The following MLLT10 variants were observed in gnomAD, a reference collection of about 807,000 sequenced individuals.
MLLT10 encodes the protein MLLT10 histone lysine methyltransferase DOT1L cofactor.
In MLLT10, 30 loss-of-function variants were observed where a neutral mutation model predicts 129.1. The ratio of observed to expected loss-of-function variants is 0.23; its 90% CI spans 0.17 to 0.32. The LOEUF is 0.32. MLLT10 is among the 10% of genes least tolerant of loss of function. The probability of loss-of-function intolerance (pLI) is 1.00; values close to 1 mark genes in which losing one functional copy is unlikely to be tolerated. For synonymous variants in MLLT10, 490 were observed against 446.4 expected (o/e 1.10, Z -1.23); for missense variants, 1,119 against 1,268.3 (o/e 0.88, Z 1.79).
chr10:21,679,850 G>A (rs944128736), intron 11 of MLLT10, among the ~76,000 whole-genome samples: 18 of 152,122 alleles, frequency 1.2e-4, no homozygotes, highest in Admixed American at 2.6e-4. Flanking sequence ...AGTCATGGGC[G>A]CACTCAAAAA....
chr10:21,543,477 A>ATATAT (rs903728223), intron 3 of MLLT10, among the ~76,000 whole-genome samples: 1 of 151,588 alleles, frequency 6.6e-6, no homozygotes. Context: ...ATTTAAAAAT[A>ATATAT]TATATTATGT....
intron 6 of MLLT10, among the ~76,000 whole-genome samples, chr10:21,614,108 T>C (rs2044975017): frequency 6.6e-6 from 1 of 150,718 alleles, no homozygotes; most frequent in African/African-American, 2.4e-5. Context: ...GTCCCAGCTA[T>C]TTGGGAGGCT....
At chr10:21,616,862 T>C (rs1409621530) in intron 7 of MLLT10, among the ~76,000 whole-genome samples, 2 of 151,988 alleles carry the variant, frequency 1.3e-5, no homozygotes, top group Non-Finnish European at 2.9e-5. Flanking sequence ...TATTTGAAAA[T>C]AGATGATCTG....
chr10:21,699,224 G>T lies in MLLT10; in HGVS notation c.1700-14548G>T, dbSNP rs796447444. On this transcript the variant is annotated intron_variant, in intron 13 of 22. Transcript: ENST00000307729. ...ATCTATTCATGTCCTTTGCCCACTT[G>T]TTAATGGTATCTTTTTTTTTTTTTT... Among the ~76,000 whole-genome samples the T allele has an allele frequency of 5.0e-3, 741 of 149,200 alleles. 9 individuals are homozygous for T. Among genetic ancestry groups the T allele is most frequent in the African/African-American group, 0.017 (705 of 40,520 alleles).
At chr10:21,583,742 A>G (rs2041701411) in intron 3 of MLLT10, among the ~76,000 whole-genome samples, 1 of 152,154 alleles carries the variant, frequency 6.6e-6, no homozygotes, top group Admixed American at 6.5e-5. Flanking sequence ...CAGGGAAAAC[A>G]CCAAGACATT....
intron 19 of MLLT10, 27 bp from the exon 20 acceptor site, chr10:21,733,741 C>G (rs1384366880): frequency 1.3e-6 from 2 of 1,580,644 alleles, no homozygotes; most frequent in Non-Finnish European, 8.6e-7. Context: ...GTCCAGTGGA[C>G]TTAGTTTCTC....
At chr10:21,611,372 T>C (rs2044639101) in intron 5 of MLLT10, among the ~76,000 whole-genome samples, 1 of 151,968 alleles carries the variant, frequency 6.6e-6, no homozygotes, top group South Asian at 2.1e-4. Context: ...GTTTTTTTTT[T>C]TTTCTGTGTC....
At chr10:21,631,799 C>G (rs11012758) in intron 8 of MLLT10, among the ~76,000 whole-genome samples, 4,240 of 152,148 alleles carry the variant, frequency 0.028, 97 homozygotes, top group Middle Eastern at 0.099. Context: ...GGTTCCCCCC[C>G]CAACACTTGC....
At chr10:21,604,238 A>G (rs1439953995) in intron 5 of MLLT10, among the ~76,000 whole-genome samples, 2 of 152,208 alleles carry the variant, frequency 1.3e-5, no homozygotes. Flanking sequence ...GAAAGTCCCA[A>G]ATCTCATCTT....
At chr10:21,640,317 T>C (rs2047879654) in intron 8 of MLLT10, among the ~76,000 whole-genome samples, 1 of 145,702 alleles carries the variant, frequency 6.9e-6, no homozygotes, top group Non-Finnish European at 1.5e-5. Context: ...TGTATACATA[T>C]ATTGGTGTAT....
intron 3 of MLLT10, 144 bp from the exon 4 acceptor site, chr10:21,586,150 T>C (rs2041960948): frequency 4.4e-6 from 3 of 688,034 alleles, no homozygotes; most frequent in Admixed American, 2.7e-5. Context: ...CAACTGTTTG[T>C]GAAGAATGTT....
chr10:21,659,709 C>T (rs2049976161), intron 9 of MLLT10, among the ~76,000 whole-genome samples: 1 of 152,030 alleles, frequency 6.6e-6, no homozygotes, highest in South Asian at 2.1e-4. Context: ...TAAGGTTTAA[C>T]CATGTTGGCC....
chr10:21,632,569 C>T (rs2047099929), intron 8 of MLLT10, among the ~76,000 whole-genome samples: 1 of 152,080 alleles, frequency 6.6e-6, no homozygotes, highest in Non-Finnish European at 1.5e-5. Flanking sequence ...TTCGAGACAC[C>T]ATGCTCAATC....
chr10:21,729,527 C>T (rs1343305927), intron 16 of MLLT10, among the ~76,000 whole-genome samples: 1 of 152,110 alleles, frequency 6.6e-6, no homozygotes, highest in Non-Finnish European at 1.5e-5. Flanking sequence ...GGAATAAAAA[C>T]CCCATTTGTT....
intron 20 of MLLT10, among the ~76,000 whole-genome samples, chr10:21,734,388 G>C (rs991637283): frequency 6.6e-6 from 1 of 152,078 alleles, no homozygotes; most frequent in Admixed American, 6.6e-5. Context: ...TTAAATACTA[G>C]TTTTTCTTAT....
chr10:21,631,962 T>A (rs1247583779), intron 8 of MLLT10, among the ~76,000 whole-genome samples: 1 of 148,316 alleles, frequency 6.7e-6, no homozygotes, highest in East Asian at 2.0e-4. Flanking sequence ...TTAGTACAAA[T>A]GGTGAAGTTT....
At chr10:21,581,647 G>A (rs77979731) in intron 3 of MLLT10, among the ~76,000 whole-genome samples, 3 of 152,128 alleles carry the variant, frequency 2.0e-5, no homozygotes, top group Non-Finnish European at 2.9e-5. Context: ...TCATGATAGC[G>A]AGTGAATTCT....
At chr10:21,700,765 G>A (rs1156643411) in intron 13 of MLLT10, among the ~76,000 whole-genome samples, 1 of 152,144 alleles carries the variant, frequency 6.6e-6, no homozygotes, top group East Asian at 1.9e-4. Flanking sequence ...GGGGATTTTT[G>A]CATTGATGTT....
intron 15 of MLLT10, among the ~76,000 whole-genome samples, chr10:21,726,723 A>G (rs1354813072): frequency 1.6e-5 from 2 of 128,530 alleles, no homozygotes; most frequent in African/African-American, 3.0e-5. Context: ...TGAAATGGAA[A>G]TGTTTCAACA....
Sources: allele counts gnomAD v4.1 joint callset (sites outside exome capture counted in the v4.1 genomes callset), GRCh38; gene constraint gnomAD v4.1.1; transcripts MANE v1.5; gene names NCBI Gene and HGNC (gene_info 2026-07-23, HGNC 2026-07-21).